Variants in NCOA7 observed in about 807,000 individuals in gnomAD.
NCOA7 encodes the protein 140 kDa estrogen receptor-associated protein.
A neutral mutation model predicts 104.3 loss-of-function variants in NCOA7; 45 were observed. The ratio of observed to expected loss-of-function variants is 0.43; its 90% CI spans 0.34 to 0.55. The LOEUF is 0.55. Among genes scored for constraint, NCOA7 ranks in the 20% least tolerant of loss-of-function variants. The pLI is 0.02. For missense variants in NCOA7, 1,041 were observed against 1,119.7 expected (o/e 0.93, Z 1.00); for synonymous variants, 398 against 402.3 (o/e 0.99, Z 0.13).
intron 2 of NCOA7, among the ~76,000 whole-genome samples, chr6:125,827,750 A>T (rs1477361503): frequency 6.6e-6 from 1 of 152,232 alleles, no homozygotes; most frequent in Non-Finnish European, 1.5e-5. Context: ...AGTGACAAAA[A>T]GCTTGGCAGC....
chr6:125,874,798 A>C, intron 3 of NCOA7, 91 bp from the exon 4 acceptor site: 1 of 908,762 alleles, frequency 1.1e-6, no homozygotes, highest in Non-Finnish European at 1.7e-6. Flanking sequence ...TTGTCAGTTG[A>C]TTTGAAAGTG....
Position 125,893,666 on chromosome 6 carries a change from C to T in NCOA7, c.2096+2856C>T, listed in dbSNP as rs140935867. On this transcript the variant is annotated intron_variant, in intron 10 of 15. Coordinates refer to ENST00000392477, the MANE Select transcript of NCOA7 (RefSeq NM_181782.5). ...AACCTTGCATAGTCTCCGTTAATCT[C>T]CTTTGTTTTGGGTAGGTGTTTTTTT... 3.0e-3 allele frequency among the ~76,000 whole-genome samples: 462 copies of T among 152,122 alleles called. 3 individuals are homozygous for T. Among genetic ancestry groups the T allele is most frequent in the African/African-American group, 0.01 (421 of 41,486 alleles).
intron 10 of NCOA7, among the ~76,000 whole-genome samples, chr6:125,914,944 ATTGT>A (rs1259329825): frequency 6.6e-5 from 10 of 152,294 alleles, no homozygotes; most frequent in East Asian, 5.8e-4. Flanking sequence ...CCGTTGTAGT[ATTGT>A]TTATCTTTGT....
chr6:125,843,797 G>A (rs1233482241), intron 2 of NCOA7, among the ~76,000 whole-genome samples: 1 of 151,962 alleles, frequency 6.6e-6, no homozygotes, highest in Non-Finnish European at 1.5e-5. Flanking sequence ...CCATTTTTAG[G>A]CCGTGACTCA....
intron 2 of NCOA7, among the ~76,000 whole-genome samples, chr6:125,848,402 A>G (rs995756822): frequency 1.3e-5 from 2 of 152,222 alleles, no homozygotes; most frequent in Non-Finnish European, 2.9e-5. Flanking sequence ...AACCAACCCA[A>G]ATGTCCATCA....
At chr6:125,795,544 A>C (rs927820015) in intron 1 of NCOA7, among the ~76,000 whole-genome samples, 16 of 151,744 alleles carry the variant, frequency 1.1e-4, no homozygotes, top group African/African-American at 3.6e-4. Flanking sequence ...TTCTCTCCTA[A>C]CCTGTCTCTG....
intron 1 of NCOA7, among the ~76,000 whole-genome samples, chr6:125,805,170 A>C (rs138944260): frequency 1.5e-5 from 2 of 135,668 alleles, no homozygotes; most frequent in African/African-American, 5.6e-5. Context: ...ATCTCGGCTC[A>C]TTGCAACCTG....
chr6:125,782,840 C>T (rs1774287234), intron 1 of NCOA7, among the ~76,000 whole-genome samples: 1 of 152,152 alleles, frequency 6.6e-6, no homozygotes, highest in Admixed American at 6.5e-5. Flanking sequence ...GTTGACATGT[C>T]ACCTTACATG....
At chr6:125,845,936 T>G (rs1226131086) in intron 2 of NCOA7, among the ~76,000 whole-genome samples, 1 of 152,194 alleles carries the variant, frequency 6.6e-6, no homozygotes, top group African/African-American at 2.4e-5. Context: ...TGCAATACTG[T>G]TTTACATCTT....
chr6:125,861,255 A>G (rs1439068687), intron 3 of NCOA7, among the ~76,000 whole-genome samples: 1 of 152,226 alleles, frequency 6.6e-6, no homozygotes, highest in African/African-American at 2.4e-5. Flanking sequence ...AGGCAGCCCA[A>G]CACTTTTCCA....
chr6:125,874,447 T>C (rs941790280), intron 3 of NCOA7, among the ~76,000 whole-genome samples: 3 of 152,228 alleles, frequency 2.0e-5, no homozygotes, highest in African/African-American at 4.8e-5. Flanking sequence ...ATAGCCTTTT[T>C]CTTCTTTTGA....
intron 1 of NCOA7, among the ~76,000 whole-genome samples, chr6:125,799,737 G>A (rs548329445): frequency 2.6e-5 from 4 of 152,100 alleles, no homozygotes; most frequent in South Asian, 2.1e-4. Context: ...CCGCTTTGCC[G>A]GGCCAGTTCT....
intron 2 of NCOA7, among the ~76,000 whole-genome samples, chr6:125,847,002 T>C (rs766800503): frequency 6.6e-6 from 1 of 152,222 alleles, no homozygotes; most frequent in Non-Finnish European, 1.5e-5. Context: ...AAATTCAGTT[T>C]AAAAAATTTG....
At chr6:125,812,006 C>T (rs1777059334) in intron 1 of NCOA7, among the ~76,000 whole-genome samples, 1 of 152,136 alleles carries the variant, frequency 6.6e-6, no homozygotes, top group Non-Finnish European at 1.5e-5. Flanking sequence ...ACAGCTAGTG[C>T]TGTTGAATTA....
chr6:125,876,558 A>G (rs117742079), intron 4 of NCOA7, among the ~76,000 whole-genome samples: 2,392 of 152,004 alleles, frequency 0.016, 25 homozygotes, highest in Non-Finnish European at 0.025. Context: ...TGCTTTTGCC[A>G]GGAGTTACTT....
chr6:125,783,606 C>A (rs183223451), intron 1 of NCOA7, among the ~76,000 whole-genome samples: 1 of 152,104 alleles, frequency 6.6e-6, no homozygotes, highest in Non-Finnish European at 1.5e-5. Flanking sequence ...AAACCTAAAT[C>A]GTCCCAAATT....
At chr6:125,853,757 A>G (rs1781321630) in intron 2 of NCOA7, among the ~76,000 whole-genome samples, 1 of 152,188 alleles carries the variant, frequency 6.6e-6, no homozygotes, top group African/African-American at 2.4e-5. Flanking sequence ...TATTATGTCA[A>G]TTAAGCCTAA....
At chr6:125,923,276 G>A (rs1194633752) in intron 13 of NCOA7, among the ~76,000 whole-genome samples, 2 of 152,196 alleles carry the variant, frequency 1.3e-5, no homozygotes, top group Non-Finnish European at 2.9e-5. Context: ...CCTGCATTTT[G>A]GATGTGATGG....
At chr6:125,782,429 C>A (rs2128535571) in intron 1 of NCOA7, among the ~76,000 whole-genome samples, 1 of 152,276 alleles carries the variant, frequency 6.6e-6, no homozygotes, top group South Asian at 2.1e-4. Flanking sequence ...AAATTTAATT[C>A]CACATTGTCA....
Sources: allele counts gnomAD v4.1 joint callset (sites outside exome capture counted in the v4.1 genomes callset), GRCh38; gene constraint gnomAD v4.1.1; transcripts MANE v1.5; gene names NCBI Gene and HGNC (gene_info 2026-07-23, HGNC 2026-07-21).